MB: variants seen among roughly 807,000 people sequenced by gnomAD.
The protein encoded by MB is myoglobin.
In MB, 10 loss-of-function variants were observed where a neutral mutation model predicts 14.5. The ratio of observed to expected loss-of-function variants is 0.69; its 90% CI spans 0.43 to 1.17. The LOEUF (loss-of-function observed/expected upper bound fraction) is 1.17, where lower values mean the gene tolerates loss of function less well. Ranked by LOEUF, MB falls within the 50% of genes most tolerant of loss-of-function variation. The pLI is 0.00. For missense variants in MB, 169 were observed against 192.7 expected (o/e 0.88, Z 0.73); for synonymous variants, 89 against 78.6 (o/e 1.13, Z -0.70).
intron 1 of MB, chr22:35,615,729 C>G (rs1923029260): frequency 6.6e-6 from 1 of 152,256 alleles, no homozygotes; most frequent in African/African-American, 2.4e-5. Context: ...GGTGGAGAGA[C>G]TTGTCCAAGG....
At chr22:35,611,213 C>A (rs950424793) in intron 1 of MB, 107 bp from the exon 2 acceptor site, 2 of 762,204 alleles carry the variant, frequency 2.6e-6, no homozygotes, top group South Asian at 1.6e-5. Context: ...AGCTGTGTGA[C>A]CTTGGGCCAT....
chr22:35,610,806 T>C (rs1293062194), intron 2 of MB, 78 bp downstream of exon 2: 6 of 1,143,876 alleles, frequency 5.2e-6, no homozygotes, highest in East Asian at 5.0e-5. Context: ...GTGGCTGAGC[T>C]TGGACTCGAA....
chr22:35,608,112 C>T lies in MB; in HGVS notation c.319-669G>A, dbSNP rs542093889. Among the ~76,000 whole-genome samples, 3 of 152,274 alleles carry T rather than the reference C, an allele frequency of 2.0e-5. No homozygotes were observed. The highest frequency in any genetic ancestry group is 4.4e-5 in the Non-Finnish European group (3 of 68,012). On this transcript the variant is annotated intron_variant, in intron 2 of 2. Coordinates refer to ENST00000397326, the MANE Select transcript of MB (RefSeq NM_005368.3). The surrounding 1 kb of genome is among the most constrained non-coding windows in gnomAD (Gnocchi z 4.3). ...CTATCAGCCTCAGCATTGCCATTTGCTTTAGTACCCACAGTCTCACTGCCC... is the reference window on the plus strand; with the variant it reads ...CTATCAGCCTCAGCATTGCCATTTGTTTTAGTACCCACAGTCTCACTGCCC...
At chr22:35,615,731 T>A (rs1923029468) in intron 1 of MB, 1 of 152,218 alleles carries the variant, frequency 6.6e-6, no homozygotes, top group Non-Finnish European at 1.5e-5. Flanking sequence ...TGGAGAGACT[T>A]GTCCAAGGTC....
At chr22:35,616,702 G>A (rs1180697317) in intron 1 of MB, among the ~76,000 whole-genome samples, 2 of 152,196 alleles carry the variant, frequency 1.3e-5, no homozygotes, top group African/African-American at 4.8e-5. Context: ...GTGGCTCAGT[G>A]GCAGAGCCAA....
intron 1 of MB, among the ~76,000 whole-genome samples, chr22:35,615,358 C>T (rs953360283): frequency 3.9e-5 from 6 of 152,212 alleles, no homozygotes; most frequent in South Asian, 2.1e-4. Flanking sequence ...CAACCTAAGA[C>T]GTGACAGGGC....
Position 35,611,097 on chromosome 22 carries a change from C to T in MB, c.105G>A (p.Lys35=), listed in dbSNP as rs768510878. The T allele has an allele frequency of 1.2e-6, 2 of 1,613,650 alleles. No individual in the cohort carries two copies. The highest frequency in any genetic ancestry group is 2.2e-5 in the East Asian group (1 of 44,886). ...ACTTCTCCAGAGTCTCTGGGTGACCCTTAAAGAGCCTGTGGGCACAGGGAA... is the reference window on the plus strand; with the variant it reads ...ACTTCTCCAGAGTCTCTGGGTGACCTTTAAAGAGCCTGTGGGCACAGGGAA... The part of the protein sequence containing the change: ...HGQEVLIRLF[K]GHPETLEKFD... Residue 35 remains lysine (K), a synonymous_variant, in exon 2 of 3, where the codon AAG becomes AAA. Coordinates refer to ENST00000397326, the MANE Select transcript of MB (RefSeq NM_005368.3).
upstream of MB, among the ~76,000 whole-genome samples, chr22:35,618,767 T>C (rs1248906908): frequency 6.6e-6 from 1 of 151,806 alleles, no homozygotes; most frequent in African/African-American, 2.4e-5. Context: ...CATGTGTTCA[T>C]CCATCCATCC....
chr22:35,609,908 C>A (rs1425915450), intron 2 of MB, among the ~76,000 whole-genome samples: 1 of 152,166 alleles, frequency 6.6e-6, no homozygotes, highest in African/African-American at 2.4e-5. Flanking sequence ...TTAAACTCCT[C>A]AAAAGAGAGC....
intron 1 of MB, among the ~76,000 whole-genome samples, chr22:35,616,455 A>G (rs896672412): frequency 9.2e-5 from 14 of 152,166 alleles, no homozygotes; most frequent in Non-Finnish European, 1.6e-4. Context: ...ATGAGCCTCT[A>G]TCTTCTGTTC....
chr22:35,611,166 GC>G, intron 1 of MB, 60 bp from the exon 2 acceptor site: 1 of 1,235,522 alleles, frequency 8.1e-7, no homozygotes, highest in Non-Finnish European at 1.2e-6. Context: ...TCTGGGGGCA[GC>G]CAGACTAGAG....
intron 1 of MB, 119 bp from the exon 2 acceptor site, chr22:35,611,225 C>T (rs902029491): frequency 2.9e-6 from 2 of 690,252 alleles, no homozygotes; most frequent in Non-Finnish European, 5.1e-6. Flanking sequence ...TTGGGCCATT[C>T]ACTTCACCTC....
intron 1 of MB, among the ~76,000 whole-genome samples, chr22:35,614,826 C>T (rs1922945161): frequency 2.0e-5 from 3 of 152,208 alleles, no homozygotes; most frequent in Middle Eastern, 6.8e-3. Context: ...ACTCTCAGGC[C>T]CAGTTCCTCC....
At chr22:35,616,138 C>T (rs1165456652) in intron 1 of MB, among the ~76,000 whole-genome samples, 1 of 152,188 alleles carries the variant, frequency 6.6e-6, no homozygotes, top group African/African-American at 2.4e-5. Context: ...CTTGTGGCAA[C>T]CCCGGCGCCC....
rs912548334 is a variant in MB, at chr22:35,608,818, G to A, written c.319-1375C>T. Among the ~76,000 whole-genome samples the A allele has an allele frequency of 5.9e-5, 9 of 152,152 alleles. No individual in the cohort carries two copies. Among genetic ancestry groups the A allele is most frequent in the African/African-American group, 2.2e-4 (9 of 41,420 alleles). On this transcript the variant is annotated intron_variant, in intron 2 of 2. Transcript: ENST00000397326. The surrounding 1 kb of genome is among the most constrained non-coding windows in gnomAD (Gnocchi z 4.3). ...ACTCATATCTAGAAAACAGTGGAAC[G>A]GAGCCACTGCATAATTGAGAAATGG...
At chr22:35,619,893 C>T (rs972628065), upstream of MB, among the ~76,000 whole-genome samples, 19 of 152,182 alleles carry the variant, frequency 1.2e-4, no homozygotes, top group Non-Finnish European at 1.8e-4. Context: ...TGACTCCTAG[C>T]GACCAAAAGG....
chr22:35,617,208 T>A lies in MB; in HGVS notation c.50A>T (p.Lys17Met). The A allele has an allele frequency of 6.2e-7, 1 of 1,614,094 alleles. No homozygotes were observed. ...ATGGCCTGGGATGTCAGCCTCCACC[T>A]TCCCCCAGACGTTCAGCACCAACTG... ...EWQLVLNVWGKVEADIPGHGQ... is the reference protein window; with the variant it reads ...EWQLVLNVWGMVEADIPGHGQ... The change falls in exon 1 of 3, where the codon AAG becomes ATG. Residue 17 changes from lysine (K) to methionine (M), a missense_variant. Physicochemically the swap from Lys to Met is moderately conservative, Grantham distance 95. Coordinates refer to ENST00000397326, the MANE Select transcript of MB (RefSeq NM_005368.3).
intron 2 of MB, among the ~76,000 whole-genome samples, chr22:35,610,394 T>G (rs1235582265): frequency 1.3e-5 from 2 of 152,162 alleles, no homozygotes; most frequent in Non-Finnish European, 2.9e-5. Flanking sequence ...CTTGCTGAGC[T>G]CCTGCCACAT....
rs151151996 is a variant in MB at position 35,610,017 on chromosome 22, A to G, written c.318+867T>C. Among the ~76,000 whole-genome samples, 73 of 152,306 alleles carry G rather than the reference A, an allele frequency of 4.8e-4. No individual in the cohort carries two copies. The East Asian group carries it at 0.014, about 29-fold the overall frequency. Reference sequence around the variant, plus strand: ...TGAGGCAACTTTGAGGATGGATGCCATGTGCTAGGCATGGCAGCAAATGCT... The same window carrying G: ...TGAGGCAACTTTGAGGATGGATGCCGTGTGCTAGGCATGGCAGCAAATGCT... On this transcript the variant is annotated intron_variant, in intron 2 of 2. Coordinates refer to ENST00000397326, the MANE Select transcript of MB (RefSeq NM_005368.3).
Sources: allele counts gnomAD v4.1 joint callset (sites outside exome capture counted in the v4.1 genomes callset), GRCh38; gene constraint gnomAD v4.1.1; non-coding constraint Gnocchi (gnomAD v3.1); transcripts MANE v1.5; gene names NCBI Gene and HGNC (gene_info 2026-07-23, HGNC 2026-07-21).